The following MORC4 variants were observed in gnomAD, a reference collection of about 807,000 sequenced individuals.
MORC4 encodes the protein MORC family CW-type zinc finger 4, also known as MORC family CW-type zinc finger protein 4.
A neutral mutation model predicts 65.5 loss-of-function variants in MORC4; 22 were observed. That is an observed-to-expected ratio of 0.34 (90% CI 0.24 to 0.48). MORC4 has a LOEUF of 0.48. MORC4 is among the 20% of genes least tolerant of loss of function. MORC4 has a pLI of 0.99. For missense variants in MORC4, 624 were observed against 703.0 expected, an observed-to-expected ratio of 0.89 and a Z score of 1.27; for synonymous variants, 267 against 255.8, an observed-to-expected ratio of 1.04 and a Z score of -0.42.
In MORC4 at chrX:106,941,940, T is replaced by C; in HGVS notation, c.2658A>G (p.Glu886=). Residue 886 remains glutamate, a splice_region_variant and synonymous_variant, in exon 16 of 17, where the codon GAA becomes GAG. Transcript: ENST00000355610. The part of the protein sequence containing the change: ...SYRTPEGDDL[E]RALAKLTRLR... ...ATAACTAAACCCTAGTAATTAACCTTTCTAGGTCATCTCCCTCTGGGGTCC... is the reference window on the plus strand; with the variant it reads ...ATAACTAAACCCTAGTAATTAACCTCTCTAGGTCATCTCCCTCTGGGGTCC... 1 of 1,207,609 alleles carries C rather than the reference T, an allele frequency of 8.3e-7. No homozygotes were observed. Among genetic ancestry groups the C allele is most frequent in the Non-Finnish European group, 1.1e-6 (1 of 893,471 alleles).
At chrX:106,968,191 C>T (rs768816345) in intron 9 of MORC4, among the ~76,000 whole-genome samples, 6 of 111,264 alleles carry the variant, frequency 5.4e-5, no homozygotes, top group Admixed American at 9.6e-5. Context: ...AATTTTCAAA[C>T]GAGAATTTCA....
chrX:106,964,718 G>GA (rs1228948450), intron 9 of MORC4, among the ~76,000 whole-genome samples: 6 of 111,966 alleles, frequency 5.4e-5, no homozygotes, highest in African/African-American at 1.9e-4. Context: ...ACATTTAAAA[G>GA]AAAAAAATTG....
chrX:106,957,621 G>C (rs763922856), intron 11 of MORC4, among the ~76,000 whole-genome samples: 14 of 111,589 alleles, frequency 1.3e-4, no homozygotes, highest in Non-Finnish European at 2.3e-4. Context: ...TATGACTACT[G>C]AGTCAAATTT....
At chrX:106,952,504 A>T (rs1241453667) in intron 14 of MORC4, among the ~76,000 whole-genome samples, 1 of 112,555 alleles carries the variant, frequency 8.9e-6, no homozygotes, top group Admixed American at 9.4e-5. Context: ...ACGATTATAC[A>T]TGTAGGATGA....
chrX:106,992,221 A>T (rs1335342740), intron 3 of MORC4, among the ~76,000 whole-genome samples: 1 of 112,072 alleles, frequency 8.9e-6, no homozygotes, highest in African/African-American at 3.2e-5. Flanking sequence ...CCCAAATTTC[A>T]TTTTTGTTTC....
At chrX:106,998,267 G>A (rs915937970) in intron 2 of MORC4, among the ~76,000 whole-genome samples, 1 of 112,257 alleles carries the variant, frequency 8.9e-6, no homozygotes, top group African/African-American at 3.2e-5. Context: ...TTGTATACAT[G>A]TATGCATGCA....
At chrX:106,976,469 A>G (rs1482503003) in intron 9 of MORC4, 115 bp downstream of exon 9, 4 of 440,325 alleles carry the variant, frequency 9.1e-6, no homozygotes, top group Non-Finnish European at 1.6e-5. Flanking sequence ...ACAAATTTGA[A>G]GTAATTCTCA....
chrX:106,942,088 G>A lies in MORC4; in HGVS notation c.2510C>T (p.Ala837Val). Residue 837 changes from alanine to valine, a missense_variant, in exon 16 of 17, where the codon GCT becomes GTT. Ala to Val is a moderately conservative substitution (Grantham distance 64, BLOSUM62 0). Coordinates refer to ENST00000355610, the MANE Select transcript of MORC4 (RefSeq NM_024657.5). ...WSKKHMGYRQ[A>V]EFQILKAELE... ...CTCAGCTTTCAGAATCTGGAATTCA[G>A]CTTGGCGATAACCCATGTGTTTCTT... is the stretch of plus-strand genomic sequence containing the variant. 8.3e-7 allele frequency: 1 copy of A among 1,211,154 alleles called. No individual in the cohort carries two copies.
At chrX:106,997,844 G>A (rs1935106965) in intron 2 of MORC4, among the ~76,000 whole-genome samples, 1 of 111,638 alleles carries the variant, frequency 9.0e-6, no homozygotes. Context: ...CAGCTTAAAT[G>A]TCACCTCCTC....
intron 9 of MORC4, among the ~76,000 whole-genome samples, chrX:106,974,583 A>C (rs1179204449): frequency 8.9e-6 from 1 of 112,213 alleles, no homozygotes; most frequent in African/African-American, 3.2e-5. Context: ...TTGGTTGATT[A>C]AAGAGCTTTT....
chrX:106,981,605 A>G, intron 5 of MORC4, 128 bp from the exon 6 acceptor site: 1 of 556,380 alleles, frequency 1.8e-6, no homozygotes, highest in Non-Finnish European at 2.8e-6. Context: ...TTCCCTGACT[A>G]CCAGTGCAAA....
chrX:106,941,454 A>T lies in MORC4; in HGVS notation c.*25T>A. ...AAAGAGAACAGACAGAAGATAAGAG[A>T]AGAGAAGGGTATACAGTCTGGTGCT... On this transcript the variant is annotated 3_prime_UTR_variant, in exon 17 of 17. Coordinates refer to ENST00000355610, the MANE Select transcript of MORC4 (RefSeq NM_024657.5). 1.7e-6 allele frequency: 2 copies of T among 1,151,301 alleles called. No individual in the cohort carries two copies. The highest frequency in any genetic ancestry group is 2.3e-6 in the Non-Finnish European group (2 of 852,859). The allele number at this position is 1,151,301 out of a possible 1,213,427, so 94.9% of individuals were successfully genotyped here. A position where few individuals can be genotyped will look rare whatever the true frequency, so the allele number is the denominator to read the frequency against.
rs1388924663 is a variant in MORC4, at chrX:106,986,021, G to C, written c.488C>G (p.Ala163Gly). The change falls in exon 4 of 17, where the codon GCA (alanine) becomes GGA (glycine). Residue 163 changes from alanine (A) to glycine (G), a missense_variant. Ala to Gly is a moderately conservative substitution (Grantham distance 60). Coordinates refer to ENST00000355610, the MANE Select transcript of MORC4 (RefSeq NM_024657.5). ...QTYLECVQAQ[A>G]VIVPIVPFNQ... ...GAATGGAACAATTGGTACAATAACTGCCTGGGCCTGGACACATTCCAGATA... is the reference window on the plus strand; with the variant it reads ...GAATGGAACAATTGGTACAATAACTCCCTGGGCCTGGACACATTCCAGATA... The C allele has an allele frequency of 9.1e-6, 11 of 1,208,225 alleles. No individual in the cohort carries two copies. Among genetic ancestry groups the C allele is most frequent in the Non-Finnish European group, 1.2e-5 (11 of 894,014 alleles).
chrX:106,999,611 G>A, intron 2 of MORC4, 66 bp downstream of exon 2: 6 of 994,176 alleles, frequency 6.0e-6, no homozygotes, highest in Non-Finnish European at 7.9e-6. Context: ...TTCCTCTCGC[G>A]TCCGCGGCAC....
intron 3 of MORC4, 74 bp from the exon 4 acceptor site, chrX:106,986,274 C>G: frequency 1.3e-6 from 1 of 776,550 alleles, no homozygotes; most frequent in Admixed American, 3.2e-5. Context: ...AGATAGGTGA[C>G]AGGCAGAATA....
intron 9 of MORC4, among the ~76,000 whole-genome samples, chrX:106,975,340 G>T (rs925824222): frequency 1.8e-5 from 2 of 111,213 alleles, no homozygotes; most frequent in Non-Finnish European, 3.8e-5. Flanking sequence ...CCTGGTCAAA[G>T]ATTTCCATTA....
chrX:106,975,352 G>A (rs191780397), intron 9 of MORC4, among the ~76,000 whole-genome samples: 2 of 111,036 alleles, frequency 1.8e-5, no homozygotes, highest in African/African-American at 6.5e-5. Flanking sequence ...TTTCCATTAT[G>A]GGCCAGATTT....
Position 106,961,996 on chromosome X carries a change from T to G in MORC4, c.1256+16A>C. On this transcript the variant is annotated intron_variant, in intron 10 of 16. Coordinates refer to ENST00000355610, the MANE Select transcript of MORC4 (RefSeq NM_024657.5). ...TATTACCCCTAATACATTCATATTCTGTATGTATTACTTACGGTATTGGCC... is the reference window on the plus strand; with the variant it reads ...TATTACCCCTAATACATTCATATTCGGTATGTATTACTTACGGTATTGGCC... 9.0e-7 allele frequency: 1 copy of G among 1,114,429 alleles called. No individual in the cohort carries two copies. The highest frequency in any genetic ancestry group is 1.2e-6 in the Non-Finnish European group (1 of 808,346). The allele number at this position is 1,114,429 out of a possible 1,213,427, so 91.8% of individuals were successfully genotyped here.
At chrX:106,998,402 T>C (rs1323224185) in intron 2 of MORC4, among the ~76,000 whole-genome samples, 2 of 112,181 alleles carry the variant, frequency 1.8e-5, no homozygotes, top group African/African-American at 6.5e-5. Flanking sequence ...TGGAAACTCA[T>C]TAAATCACCT....
Sources: allele counts gnomAD v4.1 joint callset (sites outside exome capture counted in the v4.1 genomes callset), GRCh38; gene constraint gnomAD v4.1.1; transcripts MANE v1.5; gene names NCBI Gene and HGNC (gene_info 2026-07-23, HGNC 2026-07-21).